Variants in DAOA observed in about 807,000 individuals in gnomAD.
DAOA encodes D-amino acid oxidase activator, also known as D-amino acid oxidase regulator.
A neutral mutation model predicts 16.4 loss-of-function variants in DAOA; 15 were observed. That is an observed-to-expected ratio of 0.91 (90% CI 0.61 to 1.41). The LOEUF (loss-of-function observed/expected upper bound fraction) is 1.41, where lower values mean the gene tolerates loss of function less well. Ranked by LOEUF, DAOA falls within the 40% of genes most tolerant of loss-of-function variation. The pLI, the probability that DAOA is intolerant of heterozygous loss-of-function variation, is 0.00. For synonymous variants in DAOA, 75 were observed against 59.1 expected, an observed-to-expected ratio of 1.27 and a Z score of -1.23; for missense variants, 230 against 176.8, an observed-to-expected ratio of 1.30 and a Z score of -1.71.
chr13:105,481,741 C>A (rs1177448080), intron 4 of DAOA, among the ~76,000 whole-genome samples: 1 of 152,214 alleles, frequency 6.6e-6, no homozygotes, highest in South Asian at 2.1e-4. Flanking sequence ...TCCCTTGTAT[C>A]CTTCTCATCA....
At chr13:105,473,850 T>C (rs531964610) in intron 4 of DAOA, among the ~76,000 whole-genome samples, 2 of 152,234 alleles carry the variant, frequency 1.3e-5, no homozygotes, top group South Asian at 4.1e-4. Context: ...GCCTAATCTT[T>C]TTGTACTACA....
chr13:105,474,875 A>G (rs1209100800), intron 4 of DAOA: 1 of 357,526 alleles, frequency 2.8e-6, no homozygotes. Context: ...TGGAAATCTC[A>G]TGACTTTTAA....
chr13:105,480,532 A>G (rs1209774091), intron 4 of DAOA, among the ~76,000 whole-genome samples: 1 of 87,928 alleles, frequency 1.1e-5, no homozygotes, highest in South Asian at 3.3e-4. Context: ...AGATACATAG[A>G]TAGATAGATA....
chr13:105,470,882 C>T (rs1052065050), intron 3 of DAOA, among the ~76,000 whole-genome samples: 1 of 152,140 alleles, frequency 6.6e-6, no homozygotes, highest in Non-Finnish European at 1.5e-5. Flanking sequence ...GCTCCGCCTC[C>T]CGGGTTCATG....
At chr13:105,469,343 G>A (rs1432485714) in intron 3 of DAOA, among the ~76,000 whole-genome samples, 4 of 152,068 alleles carry the variant, frequency 2.6e-5, no homozygotes, top group African/African-American at 9.7e-5. Context: ...ATTCTGCTCT[G>A]TCATATTTTA....
chr13:105,485,001 C>T (rs117974056), intron 4 of DAOA, among the ~76,000 whole-genome samples: 11 of 152,174 alleles, frequency 7.2e-5, no homozygotes, highest in Middle Eastern at 6.8e-3. Context: ...TGTTTCTTGA[C>T]GGTTTGTTTT....
intron 4 of DAOA, among the ~76,000 whole-genome samples, chr13:105,481,110 A>G (rs57003718): frequency 0.034 from 5,182 of 152,186 alleles, 269 homozygotes; most frequent in African/African-American, 0.11. Context: ...TCCATTTCCA[A>G]CAATACTTTT....
chr13:105,476,856 C>T (rs921241738), intron 4 of DAOA, among the ~76,000 whole-genome samples: 1 of 152,068 alleles, frequency 6.6e-6, no homozygotes, highest in Non-Finnish European at 1.5e-5. Flanking sequence ...AAGCACAGTT[C>T]CTTCACCCCC....
At position 105,467,126 on chromosome 13, in the gene DAOA, T is replaced by C. The variant is rs772519325; in HGVS notation, c.118T>C (p.Ser40Pro). 2 of 1,609,026 alleles carry C rather than the reference T, an allele frequency of 1.2e-6. No individual in the cohort carries two copies. Among genetic ancestry groups the C allele is most frequent in the Non-Finnish European group, 1.7e-6 (2 of 1,176,834 alleles). ...RSILLSKSEN[S>P]LNSIAKETEE... ...CATTCTTCTGAGCAAATCTGAAAAC[T>C]CTCTAAACTCTATTGGTATGTTACT... The change falls in exon 3 of 6, where the codon TCT becomes CCT. Residue 40 changes from serine (S) to proline (P), a missense_variant. Coordinates refer to ENST00000375936, the MANE Select transcript of DAOA (RefSeq NM_172370.5).
chr13:105,486,514 T>G (rs1469461560), intron 4 of DAOA, among the ~76,000 whole-genome samples: 1 of 152,204 alleles, frequency 6.6e-6, no homozygotes, highest in Non-Finnish European at 1.5e-5. Context: ...CTTATTTGCT[T>G]GATTTGTATC....
rs183403301 is a variant in DAOA at position 105,468,765 on chromosome 13, T to G, written c.133+1624T>G. On this transcript the variant is annotated intron_variant, in intron 3 of 5. Transcript: ENST00000375936. ...GAAGGAAAACAAGCTTATTGTCTTCTAATGATGGCCATGCCTTGGAACACT... is the reference window on the plus strand; with the variant it reads ...GAAGGAAAACAAGCTTATTGTCTTCGAATGATGGCCATGCCTTGGAACACT... Among the ~76,000 whole-genome samples the G allele has an allele frequency of 3.0e-3, 463 of 152,364 alleles. 10 individuals are homozygous for G. Among genetic ancestry groups the G allele is most frequent in the Non-Finnish European group, 1.0e-3 (69 of 68,032 alleles).
chr13:105,478,107 TA>T lies in DAOA; in HGVS notation c.281+5424del, dbSNP rs576277318. On this transcript the variant is annotated intron_variant, in intron 4 of 5. Transcript: ENST00000375936. ...TGACCATCCAGTTAGGCAATTATTT[TA>T]AGCCAAAGCAGCCTATAAGAAATTT... 5.8e-4 allele frequency among the ~76,000 whole-genome samples: 89 copies of T among 152,366 alleles called. 1 individual carries two copies. The Middle Eastern group carries it at 0.014, about 23-fold the overall frequency.
chr13:105,480,754 A>G (rs1274290656), intron 4 of DAOA, among the ~76,000 whole-genome samples: 2 of 152,118 alleles, frequency 1.3e-5, no homozygotes, highest in African/African-American at 2.4e-5. Flanking sequence ...TAATACCTAG[A>G]GTCCAAAAAG....
chr13:105,480,583 A>T (rs1877667110), intron 4 of DAOA, among the ~76,000 whole-genome samples: 1 of 151,026 alleles, frequency 6.6e-6, no homozygotes, highest in Admixed American at 6.6e-5. Context: ...ATTTGTTAGG[A>T]GAATTGGCTC....
At chr13:105,466,517 C>T in intron 2 of DAOA, 185 bp downstream of exon 2, 1 of 941,438 alleles carries the variant, frequency 1.1e-6, no homozygotes, top group Non-Finnish European at 1.5e-6. Flanking sequence ...CAAAGGAGAA[C>T]CTAGCCAAGG....
intron 4 of DAOA, among the ~76,000 whole-genome samples, chr13:105,476,690 G>C (rs887233176): frequency 6.6e-6 from 1 of 151,804 alleles, no homozygotes; most frequent in Non-Finnish European, 1.5e-5. Context: ...CATGAAATTT[G>C]GGGCCAGCCA....
At chr13:105,466,474 G>A in intron 2 of DAOA, 142 bp downstream of exon 2, 1 of 1,367,814 alleles carries the variant, frequency 7.3e-7, no homozygotes, top group Non-Finnish European at 9.9e-7. Flanking sequence ...CCAGTATATG[G>A]TTCAGCCTTA....
At chr13:105,478,864 G>A (rs1156371361) in intron 4 of DAOA, among the ~76,000 whole-genome samples, 2 of 152,144 alleles carry the variant, frequency 1.3e-5, no homozygotes, top group East Asian at 3.9e-4. Flanking sequence ...GCAGATGCCT[G>A]CCTACTTGGC....
chr13:105,467,941 T>C (rs1184805277), intron 3 of DAOA, among the ~76,000 whole-genome samples: 2 of 152,204 alleles, frequency 1.3e-5, no homozygotes, highest in Non-Finnish European at 2.9e-5. Flanking sequence ...ACATCTTACC[T>C]GGCTAAAAGC....
Sources: gnomAD v4.1 joint callset for allele counts (sites outside exome capture counted in the v4.1 genomes callset) on GRCh38, gnomAD v4.1.1 for gene constraint, MANE v1.5 for transcripts, NCBI Gene and HGNC (gene_info 2026-07-23, HGNC 2026-07-21) for gene names.